DOP1A: variants seen among roughly 807,000 people sequenced by gnomAD.
DOP1A encodes the protein protein DOP1A.
DOP1A carries 90 observed loss-of-function variants against 267.6 expected under a neutral mutation model. That is an observed-to-expected ratio of 0.34 (90% CI 0.28 to 0.40). DOP1A has a LOEUF of 0.40. Among genes scored for constraint, DOP1A ranks in the 10% least tolerant of loss-of-function variants. The pLI, the probability that DOP1A is intolerant of heterozygous loss-of-function variation, is 1.00. For missense variants in DOP1A, 2,437 were observed against 2,900.4 expected (o/e 0.84, Z 3.67); for synonymous variants, 932 against 999.1 (o/e 0.93, Z 1.27).
At chr6:83,123,507 TC>T (rs1454610505) in intron 12 of DOP1A, among the ~76,000 whole-genome samples, 4 of 152,014 alleles carry the variant, frequency 2.6e-5, no homozygotes, top group Non-Finnish European at 4.4e-5. Flanking sequence ...CTAGACCAGA[TC>T]CTCTCAACCA....
rs78659151 is a variant in DOP1A, at chr6:83,147,602, A to C, written c.5732+311A>C. ...TTTAATGTTAGGAATGATTACATGA[A>C]ATATCTTCTTACTATCATATTCCAT... On this transcript the variant is annotated intron_variant, in intron 26 of 38. Coordinates refer to ENST00000349129, the MANE Select transcript of DOP1A (RefSeq NM_015018.4). Among the ~76,000 whole-genome samples the C allele has an allele frequency of 3.0e-4, 45 of 152,334 alleles. No individual in the cohort carries two copies. In the East Asian group the frequency reaches 7.5e-3, roughly 25 times the overall value.
chr6:83,158,950 A>G (rs1783513927), intron 36 of DOP1A, among the ~76,000 whole-genome samples: 1 of 152,222 alleles, frequency 6.6e-6, no homozygotes, highest in South Asian at 2.1e-4. Context: ...CTGTTATGGT[A>G]GGTAACCTGG....
At chr6:83,085,272 G>A (rs1292184549) in intron 1 of DOP1A, among the ~76,000 whole-genome samples, 4 of 152,082 alleles carry the variant, frequency 2.6e-5, no homozygotes, top group Admixed American at 6.6e-5. Context: ...CACTATTATG[G>A]GACTGCCGAT....
chr6:83,122,108 A>G lies in DOP1A; in HGVS notation c.1220+58A>G, dbSNP rs545988950. The G allele has an allele frequency of 6.4e-6, 10 of 1,574,358 alleles. No homozygotes were observed. The South Asian group carries it at 1.0e-4, about 16-fold the overall frequency. The stretch of plus-strand genomic sequence containing the variant: ...GACATAATATGTATTCACTTAATAT[A>G]AACTTGAAGTGTAATAACTTGGGAT... On this transcript the variant is annotated intron_variant, in intron 11 of 38. Transcript: ENST00000349129.
In DOP1A at chr6:83,122,148, T is replaced by A. The variant is rs73749706; in HGVS notation, c.1220+98T>A. On this transcript the variant is annotated intron_variant, in intron 11 of 38. Coordinates refer to ENST00000349129, the MANE Select transcript of DOP1A (RefSeq NM_015018.4). ...TAACTTGGGATCCTACTCTATGAAG[T>A]TTGTGTTCTAATAAGTAAAGCTGAT... 5,932 of 1,388,708 alleles carry A rather than the reference T, an allele frequency of 4.3e-3. 179 individuals are homozygous for A. In the African/African-American group the frequency reaches 0.069, roughly 16 times the overall value. 86.0% of individuals were successfully genotyped at this position (1,388,708 alleles called of 1,614,324 possible).
intron 1 of DOP1A, among the ~76,000 whole-genome samples, chr6:83,083,803 T>TA (rs1411049454): frequency 6.6e-6 from 1 of 152,210 alleles, no homozygotes; most frequent in Non-Finnish European, 1.5e-5. Context: ...ATTTGAAGCT[T>TA]AAAGTAGAAT....
chr6:83,106,613 C>T (rs1773648638), intron 4 of DOP1A, among the ~76,000 whole-genome samples: 1 of 151,996 alleles, frequency 6.6e-6, no homozygotes, highest in Non-Finnish European at 1.5e-5. Flanking sequence ...AGTTCAAGAC[C>T]AGACTGCCCA....
rs41271567 is a variant in DOP1A at position 83,138,977 on chromosome 6, A to T, written c.4935A>T (p.Ile1645=). 2.8e-5 allele frequency: 45 copies of T among 1,614,120 alleles called. No homozygotes were observed. The highest frequency in any genetic ancestry group is 3.8e-5 in the Non-Finnish European group (45 of 1,179,978). Residue 1645 remains isoleucine, a synonymous_variant, in exon 21 of 39, where the codon ATA becomes ATT. Coordinates refer to ENST00000349129, the MANE Select transcript of DOP1A (RefSeq NM_015018.4). The part of the protein sequence containing the change: ...TCQGMFLCAV[I]RALHQHCACK... ...AAGGCATGTTCCTCTGTGCAGTGAT[A>T]CGAGCTTTGCATCAGCACTGTGCAT...
chr6:83,127,179 T>A (rs1311644241), intron 15 of DOP1A, among the ~76,000 whole-genome samples: 3 of 152,202 alleles, frequency 2.0e-5, no homozygotes, highest in Non-Finnish European at 4.4e-5. Flanking sequence ...ACTTCTGGAA[T>A]AATGGCTCGT....
intron 3 of DOP1A, among the ~76,000 whole-genome samples, chr6:83,099,790 A>G (rs140812983): frequency 1.3e-3 from 203 of 151,840 alleles, no homozygotes; most frequent in African/African-American, 4.8e-3. Context: ...ACATATATAT[A>G]CTCATACCGC....
In DOP1A at chr6:83,130,356, G is replaced by A. The variant is rs761855102; in HGVS notation, c.2575G>A (p.Gly859Ser). The change falls in exon 17 of 39, where the codon GGC becomes AGC. Residue 859 changes from glycine (G) to serine (S), a missense_variant. Around this residue, in one of 9 missense-constraint regions of DOP1A, gnomAD observed 878 missense variants for 992.9 expected, o/e 0.88. Coordinates refer to ENST00000349129, the MANE Select transcript of DOP1A (RefSeq NM_015018.4). ...GGTTATTAGACCTCCCCTCACTCAG[G>A]GCAATCTGAGGTACATAGCTGAGAA... ...AVVIRPPLTQ[G>S]NLRYIAEKTE... The A allele has an allele frequency of 1.2e-6, 2 of 1,613,950 alleles. No homozygotes were observed. Among genetic ancestry groups the A allele is most frequent in the Non-Finnish European group, 1.7e-6 (2 of 1,179,936 alleles).
At position 83,119,848 on chromosome 6, in the gene DOP1A, A is replaced by G. The variant is rs1776071279; in HGVS notation, c.981A>G (p.Leu327=). Residue 327 remains leucine (L), a synonymous_variant, in exon 9 of 39, where the codon TTA becomes TTG. Transcript: ENST00000349129. Reference sequence around the variant, plus strand: ...ATTTCACTACCTTTTCAAAAGAATTATTAGTCCAGGTAATGAATACTTTTA... The same window carrying G: ...ATTTCACTACCTTTTCAAAAGAATTGTTAGTCCAGGTAATGAATACTTTTA... ...TYYFTTFSKE[L]LVQAMVGILQ... is the part of the protein sequence containing the mutation. 3 of 1,610,258 alleles carry G rather than the reference A, an allele frequency of 1.9e-6. No individual in the cohort carries two copies. The highest frequency in any genetic ancestry group is 2.5e-6 in the Non-Finnish European group (3 of 1,176,832).
At chr6:83,141,669 T>C (rs1269986301) in intron 23 of DOP1A, among the ~76,000 whole-genome samples, 1 of 152,234 alleles carries the variant, frequency 6.6e-6, no homozygotes, top group East Asian at 1.9e-4. Flanking sequence ...TGTTGTGTTT[T>C]TCTAGTATCT....
At chr6:83,088,865 A>G (rs1466487483) in intron 1 of DOP1A, among the ~76,000 whole-genome samples, 1 of 152,238 alleles carries the variant, frequency 6.6e-6, no homozygotes, top group Non-Finnish European at 1.5e-5. Context: ...AATGAAATAG[A>G]TTATTAATGG....
chr6:83,120,650 C>G, intron 9 of DOP1A, 33 bp from the exon 10 acceptor site: 1 of 1,457,866 alleles, frequency 6.9e-7, no homozygotes, highest in Non-Finnish European at 9.3e-7. Context: ...AATATGTTTA[C>G]TTAAATGACC....
At chr6:83,110,564 GC>G (rs1774372794) in intron 6 of DOP1A, among the ~76,000 whole-genome samples, 3 of 152,098 alleles carry the variant, frequency 2.0e-5, no homozygotes, top group South Asian at 4.1e-4. Context: ...AAGTAATATA[GC>G]CAGATTCCGT....
chr6:83,088,420 T>C (rs1375163049), intron 1 of DOP1A, among the ~76,000 whole-genome samples: 3 of 100,676 alleles, frequency 3.0e-5, no homozygotes, highest in Admixed American at 9.9e-5. Context: ...GTCTTCCATC[T>C]TTTTTTTTTT....
chr6:83,069,336 T>A (rs776483971), intron 1 of DOP1A, among the ~76,000 whole-genome samples: 2 of 152,232 alleles, frequency 1.3e-5, no homozygotes, highest in Non-Finnish European at 1.5e-5. Flanking sequence ...TTAACTTTTT[T>A]GCTTATAAAG....
chr6:83,156,949 AT>A (rs1473455078), intron 34 of DOP1A, among the ~76,000 whole-genome samples: 2 of 152,140 alleles, frequency 1.3e-5, no homozygotes, highest in African/African-American at 4.8e-5. Context: ...TTAAACTTTT[AT>A]TTGCTATTTG....
Sources: allele counts gnomAD v4.1 joint callset (sites outside exome capture counted in the v4.1 genomes callset), GRCh38; gene constraint gnomAD v4.1.1; regional missense constraint gnomAD v4.1.1; transcripts MANE v1.5; gene names NCBI Gene and HGNC (gene_info 2026-07-23, HGNC 2026-07-21).